NDRG1: variants seen among roughly 807,000 people sequenced by gnomAD.
NDRG1 encodes the protein N-myc downstream regulated 1, also known as protein NDRG1.
Under a neutral mutation model 56.9 loss-of-function variants are expected in NDRG1, and 32 were observed. That is an observed-to-expected ratio of 0.56 (90% confidence interval 0.42 to 0.76). The LOEUF is 0.76. Among genes scored for constraint, NDRG1 ranks in the 30% least tolerant of loss-of-function variants. The pLI is 0.00. For synonymous variants in NDRG1, 211 were observed against 204.1 expected, an observed-to-expected ratio of 1.03 and a Z score of -0.29; for missense variants, 507 against 545.7, an observed-to-expected ratio of 0.93 and a Z score of 0.71.
chr8:133,284,208 C>A lies in NDRG1; in HGVS notation c.63+41G>T, dbSNP rs111871491. The A allele has an allele frequency of 7.5e-6, 12 of 1,592,434 alleles. No homozygotes were observed. The African/African-American group carries it at 1.2e-4, about 16-fold the overall frequency. On this transcript the variant is annotated intron_variant, in intron 2 of 15. Coordinates refer to ENST00000323851, the MANE Select transcript of NDRG1 (RefSeq NM_006096.4). ...GTGTGCCTGTGTGTGTCTATGTGCA[C>A]ATGTGCCTGTGATGGGGTAGCCAGG...
chr8:133,252,192 T>G (rs1856090422), intron 9 of NDRG1, among the ~76,000 whole-genome samples: 1 of 152,126 alleles, frequency 6.6e-6, no homozygotes, highest in African/African-American at 2.4e-5. Flanking sequence ...GCCTCCCAGG[T>G]TCAAGTGATT....
chr8:133,242,692 G>T (rs1369716798), intron 14 of NDRG1, among the ~76,000 whole-genome samples: 6 of 148,866 alleles, frequency 4.0e-5, no homozygotes, highest in Non-Finnish European at 8.9e-5. Context: ...TGGGTGGAAA[G>T]AAAAGGATGG....
In NDRG1 at chr8:133,241,945, C is replaced by G. The variant is rs1363605984; in HGVS notation, c.943+78G>C. ...CCAGGGGGACACAGAATTGCTCATC[C>G]AAACCTGGCTCAGGACAGAGCACTT... is the stretch of plus-strand genomic sequence containing the variant. On this transcript the variant is annotated intron_variant, in intron 15 of 15. Coordinates refer to ENST00000323851, the MANE Select transcript of NDRG1 (RefSeq NM_006096.4). 4 of 1,561,862 alleles carry G rather than the reference C, an allele frequency of 2.6e-6. No individual in the cohort carries two copies. The East Asian group carries it at 6.7e-5, about 26-fold the overall frequency.
At chr8:133,247,593 C>T (rs547672448) in intron 12 of NDRG1, among the ~76,000 whole-genome samples, 54 of 152,338 alleles carry the variant, frequency 3.5e-4, no homozygotes, top group African/African-American at 1.3e-3. Context: ...GGCCAGGAAG[C>T]CAAGTGGCAA....
At chr8:133,258,640 G>C (rs966226432) in intron 6 of NDRG1, among the ~76,000 whole-genome samples, 5 of 152,204 alleles carry the variant, frequency 3.3e-5, no homozygotes, top group Non-Finnish European at 7.3e-5. Flanking sequence ...CTTCCCTCCT[G>C]GCCGCCACCC....
At chr8:133,244,242 CTG>C in intron 14 of NDRG1, 111 bp downstream of exon 14, 1 of 1,335,084 alleles carries the variant, frequency 7.5e-7, no homozygotes, top group Non-Finnish European at 1.1e-6. Context: ...AGTCCACAAA[CTG>C]TCATCCGATG....
chr8:133,249,831 G>A (rs879716823), intron 10 of NDRG1, among the ~76,000 whole-genome samples: 5 of 152,178 alleles, frequency 3.3e-5, no homozygotes, highest in Admixed American at 3.3e-4. Context: ...ACACTATGAG[G>A]CTCATTTCTA....
chr8:133,265,884 G>C (rs1001565243), intron 3 of NDRG1, among the ~76,000 whole-genome samples: 8 of 152,220 alleles, frequency 5.3e-5, no homozygotes, highest in Non-Finnish European at 1.0e-4. Context: ...TCAACCAGAA[G>C]TTCCCGAGGA....
At chr8:133,246,210 T>A (rs1479817680) in intron 13 of NDRG1, among the ~76,000 whole-genome samples, 1 of 152,268 alleles carries the variant, frequency 6.6e-6, no homozygotes, top group Non-Finnish European at 1.5e-5. Flanking sequence ...GCGAGTGAGC[T>A]GGCTCACCAT....
chr8:133,295,652 G>A (rs1048220349), intron 1 of NDRG1, among the ~76,000 whole-genome samples: 1 of 152,246 alleles, frequency 6.6e-6, no homozygotes, highest in African/African-American at 2.4e-5. Context: ...AACAGGAAGA[G>A]TCTAGACTGA....
intron 15 of NDRG1, 141 bp from the exon 16 acceptor site, chr8:133,239,260 C>T (rs2130657453): frequency 2.2e-6 from 3 of 1,343,860 alleles, no homozygotes; most frequent in African/African-American, 2.9e-5. Context: ...GCTGCTGGGC[C>T]CCCGTCCTCT....
At chr8:133,261,040 G>A (rs1856635854) in intron 5 of NDRG1, among the ~76,000 whole-genome samples, 1 of 152,212 alleles carries the variant, frequency 6.6e-6, no homozygotes, top group Non-Finnish European at 1.5e-5. Flanking sequence ...GCAGCCTGAT[G>A]TTCCAAAGAG....
At chr8:133,245,371 AC>A (rs1352696104) in intron 13 of NDRG1, among the ~76,000 whole-genome samples, 7 of 152,294 alleles carry the variant, frequency 4.6e-5, no homozygotes, top group Admixed American at 6.5e-5. Context: ...AGTACCTATC[AC>A]TGTGGCTATA....
rs73708718 is a variant in NDRG1, at chr8:133,284,520, A to G, written c.-18-191T>C. 0.018 allele frequency among the ~76,000 whole-genome samples: 2,698 copies of G among 152,258 alleles called. 73 individuals carry two copies. Among genetic ancestry groups the G allele is most frequent in the African/African-American group, 0.06 (2,504 of 41,538 alleles). ...CCCATGGACCCAACCCAGTCTTCCCATTGGGGCCAGCGCAGTGGATTTCCT... is the reference window on the plus strand; with the variant it reads ...CCCATGGACCCAACCCAGTCTTCCCGTTGGGGCCAGCGCAGTGGATTTCCT... On this transcript the variant is annotated intron_variant, in intron 1 of 15. Coordinates refer to ENST00000323851, the MANE Select transcript of NDRG1 (RefSeq NM_006096.4).
At chr8:133,287,596 A>G (rs1383399533) in intron 1 of NDRG1, among the ~76,000 whole-genome samples, 1 of 152,218 alleles carries the variant, frequency 6.6e-6, no homozygotes, top group Non-Finnish European at 1.5e-5. Context: ...TGGAGGGCAG[A>G]GCAGATGCTG....
intron 5 of NDRG1, among the ~76,000 whole-genome samples, chr8:133,260,839 C>A (rs562708249): frequency 6.6e-6 from 1 of 152,270 alleles, no homozygotes; most frequent in South Asian, 2.1e-4. Context: ...AGAACCTGCT[C>A]CTGCCCTAGT....
chr8:133,290,648 C>T (rs922538416), intron 1 of NDRG1, among the ~76,000 whole-genome samples: 3 of 152,210 alleles, frequency 2.0e-5, no homozygotes, highest in African/African-American at 4.8e-5. Context: ...AGGCTTTCAG[C>T]GTGTGGAGGT....
At chr8:133,254,269 CA>C (rs1431212182) in intron 9 of NDRG1, among the ~76,000 whole-genome samples, 1 of 152,168 alleles carries the variant, frequency 6.6e-6, no homozygotes, top group Non-Finnish European at 1.5e-5. Context: ...GATGGTTTTA[CA>C]AATGTATATG....
intron 3 of NDRG1, among the ~76,000 whole-genome samples, chr8:133,273,790 C>T (rs1857315815): frequency 6.6e-6 from 1 of 152,156 alleles, no homozygotes; most frequent in Admixed American, 6.5e-5. Flanking sequence ...TTCATTCTTC[C>T]TCCTCTTCCC....
Sources: gnomAD v4.1 joint callset for allele counts (sites outside exome capture counted in the v4.1 genomes callset) on GRCh38, gnomAD v4.1.1 for gene constraint, MANE v1.5 for transcripts, NCBI Gene and HGNC (gene_info 2026-07-23, HGNC 2026-07-21) for gene names.